Variants in PTPRD observed in about 807,000 individuals in gnomAD.
PTPRD encodes the protein protein tyrosine phosphatase receptor type D.
A neutral mutation model predicts 214.5 loss-of-function variants in PTPRD; 34 were observed. The observed-to-expected ratio is 0.16, with a 90% CI of 0.12 to 0.21. The LOEUF (loss-of-function observed/expected upper bound fraction) is 0.21. Ranked by LOEUF, PTPRD falls within the 10% of genes least tolerant of loss-of-function variation. The probability of loss-of-function intolerance (pLI) is 1.00; values close to 1 mark genes in which losing one functional copy is unlikely to be tolerated. For missense variants in PTPRD, 2,545 were observed against 2,398.7 expected (o/e 1.06, Z -1.27); for synonymous variants, 1,128 against 845.7 (o/e 1.33, Z -5.79).
At chr9:9,555,247 T>C (rs886957748) in intron 8 of PTPRD, among the ~76,000 whole-genome samples, 20 of 152,058 alleles carry the variant, frequency 1.3e-4, no homozygotes, top group African/African-American at 4.8e-4. Context: ...TATAATAAAA[T>C]ATCTTATTAG....
In PTPRD at chr9:10,408,271, G is replaced by T. The variant is rs901759583; in HGVS notation, c.-599-67254C>A. 2.6e-5 allele frequency among the ~76,000 whole-genome samples: 4 copies of T among 151,448 alleles called. No individual in the cohort carries two copies. The South Asian group carries it at 8.3e-4, about 31-fold the overall frequency. ...CTCTCTCTCTCTAGAATGTGGTTATGGGCTAAATTCTGCTTGTCTAGGTCT... is the reference window on the plus strand; with the variant it reads ...CTCTCTCTCTCTAGAATGTGGTTATTGGCTAAATTCTGCTTGTCTAGGTCT... On this transcript the variant is annotated intron_variant, in intron 2 of 45. Transcript: ENST00000381196.
At chr9:10,026,727 T>C (rs1405137160) in intron 4 of PTPRD, among the ~76,000 whole-genome samples, 3 of 152,114 alleles carry the variant, frequency 2.0e-5, no homozygotes, top group African/African-American at 7.2e-5. Context: ...TAGACAATAT[T>C]ATGTATCATG....
At chr9:8,538,642 T>C (rs2077548495) in intron 14 of PTPRD, among the ~76,000 whole-genome samples, 1 of 151,366 alleles carries the variant, frequency 6.6e-6, no homozygotes, top group Admixed American at 6.6e-5. Context: ...TATACATTTG[T>C]ATACATATAC....
chr9:8,485,381 C>G, intron 28 of PTPRD, 57 bp from the exon 29 acceptor site: 1 of 1,249,240 alleles, frequency 8.0e-7, no homozygotes, highest in Non-Finnish European at 1.2e-6. Flanking sequence ...ATGACCTGTC[C>G]TTTCCACCAT....
intron 9 of PTPRD, among the ~76,000 whole-genome samples, chr9:9,225,138 T>A (rs1264800366): frequency 6.6e-6 from 1 of 152,050 alleles, no homozygotes; most frequent in African/African-American, 2.4e-5. Flanking sequence ...AGTACATAGT[T>A]TTATTAAAAT....
intron 10 of PTPRD, among the ~76,000 whole-genome samples, chr9:9,127,228 A>G (rs910049288): frequency 6.6e-6 from 1 of 152,160 alleles, no homozygotes; most frequent in Admixed American, 6.6e-5. Flanking sequence ...CCACACCAAC[A>G]TGGGGAAAAT....
At chr9:10,086,868 A>C (rs1432605692) in intron 3 of PTPRD, among the ~76,000 whole-genome samples, 1 of 151,832 alleles carries the variant, frequency 6.6e-6, no homozygotes, top group Admixed American at 6.6e-5. Flanking sequence ...GTATATGTGC[A>C]TCCATCTATA....
chr9:8,640,310 C>G (rs940949844), intron 12 of PTPRD, among the ~76,000 whole-genome samples: 1 of 152,030 alleles, frequency 6.6e-6, no homozygotes, highest in African/African-American at 2.4e-5. Flanking sequence ...GATCACGCCA[C>G]TGCACTACAA....
intron 33 of PTPRD, chr9:8,460,191 G>A: frequency 1.7e-6 from 1 of 596,266 alleles, no homozygotes; most frequent in South Asian, 1.9e-5. Flanking sequence ...ATAGATGCAT[G>A]TTGGACAACA....
intron 10 of PTPRD, among the ~76,000 whole-genome samples, chr9:9,163,039 T>G (rs2099893527): frequency 6.6e-6 from 1 of 152,124 alleles, no homozygotes; most frequent in South Asian, 2.1e-4. Context: ...CTTTTTTTCC[T>G]CTGAACACTC....
intron 5 of PTPRD, among the ~76,000 whole-genome samples, chr9:9,792,477 G>C (rs551984406): frequency 6.6e-6 from 1 of 152,152 alleles, no homozygotes; most frequent in South Asian, 2.1e-4. Context: ...TTCAATTTTT[G>C]TATGTGTGAA....
intron 7 of PTPRD, among the ~76,000 whole-genome samples, chr9:9,639,877 G>A (rs1199122057): frequency 2.0e-5 from 3 of 152,126 alleles, no homozygotes; most frequent in African/African-American, 4.8e-5. Flanking sequence ...ATAGCTTAGA[G>A]AAAGAACATT....
chr9:9,766,153 T>C (rs553696297), intron 6 of PTPRD, among the ~76,000 whole-genome samples: 4 of 152,320 alleles, frequency 2.6e-5, no homozygotes, highest in African/African-American at 7.2e-5. Context: ...CGTTTATTCA[T>C]CTTATACATT....
intron 3 of PTPRD, among the ~76,000 whole-genome samples, chr9:10,052,373 C>T (rs1238112565): frequency 2.0e-5 from 3 of 152,066 alleles, no homozygotes; most frequent in African/African-American, 7.2e-5. Context: ...AGAAGCAGCA[C>T]AGGAGGGAGA....
chr9:8,399,331 C>A (rs1237156206), intron 36 of PTPRD, among the ~76,000 whole-genome samples: 1 of 152,178 alleles, frequency 6.6e-6, no homozygotes, highest in Admixed American at 6.5e-5. Flanking sequence ...TATGCATGAA[C>A]TTTCTGAAAT....
chr9:8,420,732 A>G (rs2094297472), intron 35 of PTPRD, among the ~76,000 whole-genome samples: 1 of 152,006 alleles, frequency 6.6e-6, no homozygotes, highest in Non-Finnish European at 1.5e-5. Flanking sequence ...GCAGATTTTT[A>G]GCTTTGGGGA....
At chr9:9,085,297 C>T (rs564270986) in intron 10 of PTPRD, among the ~76,000 whole-genome samples, 1 of 152,226 alleles carries the variant, frequency 6.6e-6, no homozygotes, top group South Asian at 2.1e-4. Context: ...AAATATTCTA[C>T]TTTTACCATT....
intron 4 of PTPRD, among the ~76,000 whole-genome samples, chr9:9,976,153 T>G (rs1293900460): frequency 6.6e-6 from 1 of 152,170 alleles, no homozygotes; most frequent in African/African-American, 2.4e-5. Flanking sequence ...ATTTGTAATT[T>G]ATCTGAAATT....
intron 8 of PTPRD, among the ~76,000 whole-genome samples, chr9:9,532,437 G>A (rs2075687294): frequency 6.6e-6 from 1 of 152,096 alleles, no homozygotes; most frequent in Non-Finnish European, 1.5e-5. Flanking sequence ...CTGAAATTTG[G>A]AACTGGACTT....
Sources: gnomAD v4.1 joint callset for allele counts (sites outside exome capture counted in the v4.1 genomes callset) on GRCh38, gnomAD v4.1.1 for gene constraint, MANE v1.5 for transcripts, NCBI Gene and HGNC (gene_info 2026-07-23, HGNC 2026-07-21) for gene names.